AGBL1: variants seen among roughly 807,000 people sequenced by gnomAD.
The protein encoded by AGBL1 is AGBL carboxypeptidase 1.
Under a neutral mutation model 118.9 loss-of-function variants are expected in AGBL1, and 130 were observed. The ratio of observed to expected loss-of-function variants is 1.09; its 90% CI spans 0.95 to 1.26. The LOEUF (loss-of-function observed/expected upper bound fraction) is 1.26. AGBL1 is among the 50% of genes most tolerant of loss of function. The pLI is 0.00. For missense variants in AGBL1, 1,584 were observed against 1,298.1 expected (o/e 1.22, Z -3.38); for synonymous variants, 555 against 478.9 (o/e 1.16, Z -2.08).
At chr15:86,620,420 T>A (rs1177025595) in intron 21 of AGBL1, among the ~76,000 whole-genome samples, 1 of 152,182 alleles carries the variant, frequency 6.6e-6, no homozygotes, top group Non-Finnish European at 1.5e-5. Context: ...TTGTGAATGA[T>A]CCTTTGTGGA....
intron 22 of AGBL1, among the ~76,000 whole-genome samples, chr15:86,844,165 G>C (rs1054335273): frequency 1.3e-5 from 2 of 152,008 alleles, no homozygotes; most frequent in Non-Finnish European, 2.9e-5. Context: ...TACAACTTGG[G>C]GATATTATAA....
chr15:86,192,193 T>C (rs1344882915), intron 5 of AGBL1, among the ~76,000 whole-genome samples: 2 of 151,004 alleles, frequency 1.3e-5, no homozygotes, highest in East Asian at 3.9e-4. Context: ...TATATAAAAA[T>C]ACATGTACAT....
At chr15:86,320,541 A>G (rs2080089092) in intron 17 of AGBL1, among the ~76,000 whole-genome samples, 1 of 152,016 alleles carries the variant, frequency 6.6e-6, no homozygotes, top group African/African-American at 2.4e-5. Flanking sequence ...ATCATTTGAA[A>G]CTGACAAGTT....
At chr15:86,823,860 A>T (rs2141394027) in intron 22 of AGBL1, among the ~76,000 whole-genome samples, 1 of 152,312 alleles carries the variant, frequency 6.6e-6, no homozygotes, top group Non-Finnish European at 1.5e-5. Context: ...TGGAAAAATT[A>T]ACAAAATTCA....
rs577984216 is a variant in AGBL1 at position 86,425,916 on chromosome 15, G to A, written c.2555+28370G>A. Among the ~76,000 whole-genome samples the A allele has an allele frequency of 9.9e-4, 151 of 151,800 alleles. 3 individuals are homozygous for A. In the South Asian group the frequency reaches 0.03, roughly 31 times the overall value. On this transcript the variant is annotated intron_variant, in intron 18 of 22. Transcript: ENST00000614907. ...TGTGGAGAGATCTTTGTCCGTCTATGGATGGACAAAGACGTGTTTGTGTGT... is the reference window on the plus strand; with the variant it reads ...TGTGGAGAGATCTTTGTCCGTCTATAGATGGACAAAGACGTGTTTGTGTGT...
chr15:86,357,039 G>A (rs186099900), intron 17 of AGBL1, among the ~76,000 whole-genome samples: 4 of 152,282 alleles, frequency 2.6e-5, no homozygotes, highest in Admixed American at 2.0e-4. Context: ...CACTACCAGC[G>A]TAGAGCTTAT....
intron 22 of AGBL1, among the ~76,000 whole-genome samples, chr15:86,804,870 G>T (rs974942668): frequency 1.3e-5 from 2 of 152,096 alleles, no homozygotes; most frequent in Non-Finnish European, 2.9e-5. Context: ...TTTCCACAAA[G>T]AAAAGAAGCA....
chr15:86,650,812 C>A lies in AGBL1; in HGVS notation c.2995-23461C>A, dbSNP rs190695354. 2.4e-3 allele frequency among the ~76,000 whole-genome samples: 366 copies of A among 152,292 alleles called. 3 individuals carry two copies. Among genetic ancestry groups the A allele is most frequent in the African/African-American group, 8.5e-3 (354 of 41,588 alleles). On this transcript the variant is annotated intron_variant, in intron 21 of 22. Transcript: ENST00000614907. ...CCCTCATCTCCCAGACCTATGGATT[C>A]TGAATATAGGTGTAACTTTTTTGTA...
intron 5 of AGBL1, among the ~76,000 whole-genome samples, chr15:86,185,485 A>G (rs1567111730): frequency 2.0e-5 from 3 of 152,206 alleles, no homozygotes; most frequent in Non-Finnish European, 2.9e-5. Context: ...TATTCACAAT[A>G]GCAAAGACTT....
intron 5 of AGBL1, among the ~76,000 whole-genome samples, chr15:86,207,163 G>A (rs2078007983): frequency 3.3e-5 from 5 of 152,064 alleles, no homozygotes; most frequent in Admixed American, 2.6e-4. Context: ...CTGTTCCATT[G>A]GTCTATCTCT....
intron 21 of AGBL1, among the ~76,000 whole-genome samples, chr15:86,658,045 T>G (rs189425358): frequency 8.5e-5 from 13 of 152,162 alleles, no homozygotes; most frequent in African/African-American, 2.9e-4. Context: ...GTGTATATAC[T>G]ATATTGTATA....
rs5814267 is a variant in AGBL1, at chr15:86,940,060, C to CTT, written c.3222-47900_3222-47899dup. Among the ~76,000 whole-genome samples the CTT allele has an allele frequency of 4.5e-3, 269 of 59,452 alleles. 20 individuals carry two copies. The highest frequency in any genetic ancestry group is 0.015 in the African/African-American group (236 of 16,160). The allele number at this position is 59,452 out of a possible 152,430, so 39.0% of individuals were successfully genotyped here. Reference sequence around the variant, plus strand: ...ACAAACTCAGCTAATTTTGGTAGTCCTTTTTTTTTTTTTTTTTTTTTTTTT... The same window carrying CTT: ...ACAAACTCAGCTAATTTTGGTAGTCCTTTTTTTTTTTTTTTTTTTTTTTTTTT... On this transcript the variant is annotated intron_variant, in intron 23 of 24. Transcript: ENST00000441037.
chr15:86,128,825 C>A (rs2076782430), intron 1 of AGBL1, among the ~76,000 whole-genome samples: 1 of 152,070 alleles, frequency 6.6e-6, no homozygotes, highest in Non-Finnish European at 1.5e-5. Flanking sequence ...CTTACCATAC[C>A]TGAAACATTA....
chr15:86,543,734 C>A (rs1284239724), intron 19 of AGBL1, among the ~76,000 whole-genome samples: 1 of 152,194 alleles, frequency 6.6e-6, no homozygotes, highest in African/African-American at 2.4e-5. Flanking sequence ...AACCAACTGG[C>A]CCTACCCAAA....
intron 23 of AGBL1, among the ~76,000 whole-genome samples, chr15:86,950,465 T>A (rs1567255296): frequency 6.8e-6 from 1 of 146,850 alleles, no homozygotes; most frequent in Non-Finnish European, 1.5e-5. Flanking sequence ...AAAAAGAAAA[T>A]AAGAAAGAAG....
intron 5 of AGBL1, among the ~76,000 whole-genome samples, chr15:86,220,610 G>A (rs1423378991): frequency 6.6e-6 from 1 of 152,196 alleles, no homozygotes; most frequent in African/African-American, 2.4e-5. Flanking sequence ...AAAGGAGAGT[G>A]GACGTGAACT....
chr15:86,526,187 T>A (rs977993343), intron 19 of AGBL1, among the ~76,000 whole-genome samples: 8 of 152,054 alleles, frequency 5.3e-5, no homozygotes, highest in Non-Finnish European at 1.2e-4. Flanking sequence ...CCAGTAAGAA[T>A]GGCCGTTTTT....
chr15:86,288,701 A>G (rs1045293010), intron 16 of AGBL1, among the ~76,000 whole-genome samples: 5 of 152,136 alleles, frequency 3.3e-5, no homozygotes, highest in Non-Finnish European at 5.9e-5. Context: ...CTCTGGAAAG[A>G]CAAAGTTTGA....
intron 23 of AGBL1, among the ~76,000 whole-genome samples, chr15:86,954,515 T>C (rs1346583716): frequency 2.0e-5 from 3 of 152,182 alleles, no homozygotes; most frequent in Admixed American, 6.5e-5. Context: ...TAGATGCAAC[T>C]GGATGCCATA....
Sources: gnomAD v4.1 joint callset for allele counts (sites outside exome capture counted in the v4.1 genomes callset) on GRCh38, gnomAD v4.1.1 for gene constraint, MANE v1.5 for transcripts, NCBI Gene and HGNC (gene_info 2026-07-23, HGNC 2026-07-21) for gene names.